Variants in SLC7A14 observed in about 807,000 individuals in gnomAD.
The protein encoded by SLC7A14 is solute carrier family 7 member 14, also known as gamma-aminobutyric acid transporter SLC7A14.
SLC7A14 carries 37 observed loss-of-function variants against 60.2 expected under a neutral mutation model. The observed-to-expected ratio is 0.61, with a 90% confidence interval of 0.47 to 0.81. SLC7A14 has a LOEUF of 0.81. Among genes scored for constraint, SLC7A14 ranks in the 30% least tolerant of loss-of-function variants. SLC7A14 has a pLI of 0.00. For missense variants in SLC7A14, 886 were observed against 982.7 expected (o/e 0.90, Z 1.32); for synonymous variants, 399 against 395.8 (o/e 1.01, Z -0.10).
chr3:170,473,816 C>T (rs991735178), intron 7 of SLC7A14, among the ~76,000 whole-genome samples: 3 of 152,252 alleles, frequency 2.0e-5, no homozygotes, highest in Admixed American at 1.3e-4. Context: ...CATGACCCTG[C>T]AGCTGATCTA....
At chr3:170,476,275 G>A (rs1361157240) in intron 7 of SLC7A14, among the ~76,000 whole-genome samples, 2 of 152,214 alleles carry the variant, frequency 1.3e-5, no homozygotes, top group African/African-American at 4.8e-5. Flanking sequence ...TTTGTTCTGG[G>A]TGAAACTTAG....
At chr3:170,545,529 A>T (rs1415992429) in intron 1 of SLC7A14, among the ~76,000 whole-genome samples, 3 of 152,180 alleles carry the variant, frequency 2.0e-5, no homozygotes, top group African/African-American at 7.2e-5. Context: ...GGTATCAAGC[A>T]TATACTCATT....
intron 1 of SLC7A14, among the ~76,000 whole-genome samples, chr3:170,553,536 T>C (rs563584161): frequency 1.5e-4 from 23 of 152,206 alleles, no homozygotes; most frequent in Non-Finnish European, 7.3e-5. Context: ...CAAGAATTCT[T>C]TAATGGGGCA....
chr3:170,559,953 C>G (rs1714596849), intron 1 of SLC7A14, among the ~76,000 whole-genome samples: 1 of 152,208 alleles, frequency 6.6e-6, no homozygotes, highest in Non-Finnish European at 1.5e-5. Context: ...AAGGACACAG[C>G]ATTGCTGAAT....
At chr3:170,566,681 G>A (rs142680848) in intron 1 of SLC7A14, among the ~76,000 whole-genome samples, 23 of 152,060 alleles carry the variant, frequency 1.5e-4, no homozygotes, top group Non-Finnish European at 1.9e-4. Flanking sequence ...TAGTTCAGCC[G>A]TCAAGGCCCG....
At chr3:170,511,125 C>T (rs991591337) in intron 2 of SLC7A14, among the ~76,000 whole-genome samples, 21 of 152,110 alleles carry the variant, frequency 1.4e-4, no homozygotes, top group African/African-American at 2.9e-4. Flanking sequence ...ACAAATAGGC[C>T]GGGTGCAGTG....
rs1219669451 is a variant in SLC7A14 at position 170,496,038 on chromosome 3, G to A, written c.759+2629C>T. 8 of 1,248,654 alleles carry A rather than the reference G, an allele frequency of 6.4e-6. No individual in the cohort carries two copies. In the African/African-American group the frequency reaches 1.2e-4, roughly 18 times the overall value. The allele number at this position is 1,248,654 out of a possible 1,614,324, so 77.3% of individuals were successfully genotyped here. A position where few individuals can be genotyped will look rare whatever the true frequency, so the allele number is the denominator to read the frequency against. ...CCTCATCAAGAAGGACATGGATGAA[G>A]CTTACATGAACAAGGCAGAGCTGGA... is the stretch of plus-strand genomic sequence containing the variant. On this transcript the variant is annotated intron_variant, in intron 4 of 7. Coordinates refer to ENST00000231706, the MANE Select transcript of SLC7A14 (RefSeq NM_020949.3).
intron 7 of SLC7A14, among the ~76,000 whole-genome samples, chr3:170,475,653 T>C (rs192845109): frequency 5.6e-4 from 86 of 152,338 alleles, no homozygotes; most frequent in Non-Finnish European, 1.1e-3. Flanking sequence ...GAGGGCTTGT[T>C]AAACCCTAAA....
chr3:170,517,060 G>A (rs1713181185), intron 2 of SLC7A14, among the ~76,000 whole-genome samples: 1 of 152,128 alleles, frequency 6.6e-6, no homozygotes, highest in Non-Finnish European at 1.5e-5. Flanking sequence ...CATAAAATGG[G>A]GACATTAATA....
At position 170,465,548 on chromosome 3, in the gene SLC7A14, C is replaced by T. The variant is rs529429084; in HGVS notation, c.*1507G>A. The T allele has an allele frequency of 4.6e-5, 7 of 152,172 alleles. No homozygotes were observed. The highest frequency in any genetic ancestry group is 2.1e-4 in the South Asian group (1 of 4,832). 9.4% of individuals were successfully genotyped at this position (152,172 alleles called of 1,614,324 possible). ...CAGAAAGAACAGACTTGAGTGCTAG[C>T]GAATATGTTCTGGAAAACGTTTGGC... On this transcript the variant is annotated 3_prime_UTR_variant, in exon 8 of 8. Transcript: ENST00000231706.
In SLC7A14 at chr3:170,498,811, C is replaced by G; in HGVS notation, c.615G>C (p.Leu205=). 1.2e-6 allele frequency: 2 copies of G among 1,614,166 alleles called. No individual in the cohort carries two copies. Among genetic ancestry groups the G allele is most frequent in the South Asian group, 2.2e-5 (2 of 91,084 alleles). Residue 205 remains leucine (L), a synonymous_variant, in exon 4 of 8, where the codon CTG becomes CTC. Coordinates refer to ENST00000231706, the MANE Select transcript of SLC7A14 (RefSeq NM_020949.3). ...TGAAGCCTATGGAATTCTTCACCCC[C>G]AGAGCAACAATGATGGTCACGATGA... ...IAVIVTIIVA[L]GVKNSIGFNN... is the part of the protein sequence containing the mutation.
rs375042563 is a variant in SLC7A14 at position 170,498,744 on chromosome 3, T to A, written c.682A>T (p.Ile228Phe). The change falls in exon 4 of 8, where the codon ATC becomes TTC. Residue 228 changes from isoleucine (I) to phenylalanine (F), a missense_variant. Transcript: ENST00000231706. ...ATGAAGAAGAGGCCTGCGATCATGATGAACACCCATACTGCCAGGTTCAGC... is the reference window on the plus strand; with the variant it reads ...ATGAAGAAGAGGCCTGCGATCATGAAGAACACCCATACTGCCAGGTTCAGC... The part of the protein sequence containing the change: ...NVLNLAVWVF[I>F]MIAGLFFING... 4 of 1,614,196 alleles carry A rather than the reference T, an allele frequency of 2.5e-6. No individual in the cohort carries two copies. The highest frequency in any genetic ancestry group is 2.2e-5 in the East Asian group (1 of 44,878).
At position 170,559,019 on chromosome 3, in the gene SLC7A14, T is replaced by A. The variant is rs1469811521; in HGVS notation, c.-153+26892A>T. Among the ~76,000 whole-genome samples the A allele has an allele frequency of 2.0e-5, 3 of 152,198 alleles. No homozygotes were observed. The East Asian group carries it at 5.8e-4, about 29-fold the overall frequency. On this transcript the variant is annotated intron_variant, in intron 1 of 7. Transcript: ENST00000231706. ...GCCAAGTGCTGTGTTGGGAGGTTGATGTCGGAATCCAACTGCATGAAAATC... is the reference window on the plus strand; with the variant it reads ...GCCAAGTGCTGTGTTGGGAGGTTGAAGTCGGAATCCAACTGCATGAAAATC...
chr3:170,569,847 G>C (rs909593711), intron 1 of SLC7A14, among the ~76,000 whole-genome samples: 1 of 151,980 alleles, frequency 6.6e-6, no homozygotes, highest in African/African-American at 2.4e-5. Flanking sequence ...CTGTGGGGTC[G>C]GTGGTGATAT....
chr3:170,551,900 G>C (rs775978036), intron 1 of SLC7A14, among the ~76,000 whole-genome samples: 2 of 152,034 alleles, frequency 1.3e-5, no homozygotes, highest in African/African-American at 2.4e-5. Flanking sequence ...AAGTGCAAAA[G>C]TTTTTTGGAT....
chr3:170,490,928 T>C (rs568440556), intron 4 of SLC7A14, among the ~76,000 whole-genome samples: 17 of 152,334 alleles, frequency 1.1e-4, no homozygotes, highest in Admixed American at 5.2e-4. Context: ...CCACCAGTAT[T>C]ATTATTACAA....
At chr3:170,529,902 C>T (rs1010382040) in intron 1 of SLC7A14, among the ~76,000 whole-genome samples, 1 of 152,096 alleles carries the variant, frequency 6.6e-6, no homozygotes, top group Non-Finnish European at 1.5e-5. Flanking sequence ...CAGATTGCCA[C>T]GAAAACACCA....
chr3:170,549,358 G>GCGC lies in SLC7A14; in HGVS notation c.-152-22273_-152-22271dup, dbSNP rs553921953. On this transcript the variant is annotated intron_variant, in intron 1 of 7. Transcript: ENST00000231706. ...GCCTCCTGAGTAGCTGGGACTACAG[G>GCGC]CGCGCACCACCACACCTGGCTAACA... Among the ~76,000 whole-genome samples, 442 of 152,168 alleles carry GCGC rather than the reference G, an allele frequency of 2.9e-3. 1 individual carries two copies. The Middle Eastern group carries it at 0.034, about 12-fold the overall frequency.
At chr3:170,487,819 T>A (rs556739193) in intron 4 of SLC7A14, among the ~76,000 whole-genome samples, 2 of 152,350 alleles carry the variant, frequency 1.3e-5, no homozygotes, top group Middle Eastern at 3.4e-3. Flanking sequence ...GAATTGCATA[T>A]GTTTTTCACT....
Sources: gnomAD v4.1 joint callset for allele counts (sites outside exome capture counted in the v4.1 genomes callset) on GRCh38, gnomAD v4.1.1 for gene constraint, MANE v1.5 for transcripts, NCBI Gene and HGNC (gene_info 2026-07-23, HGNC 2026-07-21) for gene names.